The following SEC24B variants were observed in gnomAD, a reference collection of about 807,000 sequenced individuals.
SEC24B encodes the protein protein transport protein Sec24B.
A neutral mutation model predicts 142.8 loss-of-function variants in SEC24B; 45 were observed. The ratio of observed to expected loss-of-function variants is 0.32; its 90% CI spans 0.25 to 0.40. SEC24B has a LOEUF of 0.40. SEC24B is among the 10% of genes least tolerant of loss of function. The pLI, the probability that SEC24B is intolerant of heterozygous loss-of-function variation, is 1.00. For missense variants in SEC24B, 1,409 were observed against 1,526.8 expected (o/e 0.92, Z 1.29); for synonymous variants, 574 against 568.2 (o/e 1.01, Z -0.15).
At chr4:109,450,227 A>G (rs570150931) in intron 1 of SEC24B, among the ~76,000 whole-genome samples, 86 of 152,182 alleles carry the variant, frequency 5.7e-4, no homozygotes, top group African/African-American at 2.0e-3. Flanking sequence ...AAATGTAGGG[A>G]AAAAAGGGAA....
At chr4:109,518,851 A>G (rs190135946) in intron 11 of SEC24B, among the ~76,000 whole-genome samples, 1 of 147,196 alleles carries the variant, frequency 6.8e-6, no homozygotes, top group Admixed American at 6.8e-5. Flanking sequence ...CTGTTCCCCA[A>G]GCTGGAGTAC....
At chr4:109,434,135 C>A in intron 1 of SEC24B, 133 bp downstream of exon 1, 2 of 580,882 alleles carry the variant, frequency 3.4e-6, no homozygotes, top group Non-Finnish European at 4.3e-6. Flanking sequence ...CGGGAGCGGG[C>A]GCGGTGCGGA....
intron 22 of SEC24B, among the ~76,000 whole-genome samples, chr4:109,534,555 C>T (rs907942760): frequency 1.3e-5 from 2 of 151,846 alleles, no homozygotes. Flanking sequence ...CCACTGCACT[C>T]CAGCCTGGGT....
Position 109,463,037 on chromosome 4 carries a change from C to G in SEC24B, c.270C>G (p.Tyr90Ter). The G allele has an allele frequency of 6.2e-7, 1 of 1,614,160 alleles. No homozygotes were observed. The highest frequency in any genetic ancestry group is 8.5e-7 in the Non-Finnish European group (1 of 1,180,022). The change falls in exon 2 of 24, where the codon TAC becomes TAG. Residue 90 changes from tyrosine to a stop codon, truncating the protein, a stop_gained. Transcript: ENST00000265175. LOFTEE classifies it high-confidence loss of function. ...CATTGGATACCCAGTGTGGTGATTA[C>G]TACTCTGCTCTCTATACAGTACCAA... ...SLPLDTQCGD[Y>*]YSALYTVPTQ...
At chr4:109,471,665 C>A (rs949390984) in intron 2 of SEC24B, among the ~76,000 whole-genome samples, 1 of 151,912 alleles carries the variant, frequency 6.6e-6, no homozygotes, top group Middle Eastern at 3.2e-3. Context: ...TGGAGGTTTG[C>A]GGGACTAGAA....
chr4:109,433,914 G>A lies in SEC24B; in HGVS notation c.45G>A (p.Arg15=). 7.5e-6 allele frequency: 10 copies of A among 1,330,720 alleles called. No homozygotes were observed. The highest frequency in any genetic ancestry group is 8.7e-6 in the Non-Finnish European group (9 of 1,038,416). 82.4% of individuals were successfully genotyped at this position (1,330,720 alleles called of 1,614,324 possible). The change falls in exon 1 of 24, where the codon CGG becomes CGA. Residue 15 remains arginine, a synonymous_variant. Transcript: ENST00000265175. The stretch of plus-strand genomic sequence containing the variant: ...CCTCTCACCCGGCCGCCAGCGCCCG[G>A]ATCCCGCCCAAGTTCGGCGGAGCGG... ...AGSSHPAASA[R]IPPKFGGAAV... is the part of the protein sequence containing the mutation.
chr4:109,513,380 T>C (rs891256291), intron 9 of SEC24B, among the ~76,000 whole-genome samples: 1 of 151,268 alleles, frequency 6.6e-6, no homozygotes, highest in African/African-American at 2.4e-5. Flanking sequence ...GCCTCCCAGG[T>C]TCAAGCAATT....
chr4:109,434,039 C>T (rs1418126125), intron 1 of SEC24B, 37 bp downstream of exon 1: 2 of 1,074,554 alleles, frequency 1.9e-6, no homozygotes, highest in Non-Finnish European at 2.2e-6. Flanking sequence ...CGGGGCCTAG[C>T]ACCGGCTGGG....
At chr4:109,499,532 G>A (rs1023432675) in intron 6 of SEC24B, among the ~76,000 whole-genome samples, 8 of 152,022 alleles carry the variant, frequency 5.3e-5, no homozygotes, top group Non-Finnish European at 8.8e-5. Context: ...ATACATAAAC[G>A]CACATGCATA....
At chr4:109,537,883 T>G (rs1372322066) in intron 22 of SEC24B, among the ~76,000 whole-genome samples, 1 of 152,226 alleles carries the variant, frequency 6.6e-6, no homozygotes. Context: ...TTTGAATTAT[T>G]TAATTTACTG....
chr4:109,533,117 A>G (rs1286321744), intron 21 of SEC24B, among the ~76,000 whole-genome samples: 1 of 152,222 alleles, frequency 6.6e-6, no homozygotes, highest in Non-Finnish European at 1.5e-5. Flanking sequence ...TTCAACTTAC[A>G]TCCATTGTCA....
At chr4:109,482,756 A>T (rs1218198079) in intron 4 of SEC24B, among the ~76,000 whole-genome samples, 1 of 149,792 alleles carries the variant, frequency 6.7e-6, no homozygotes, top group Admixed American at 6.7e-5. Context: ...CTCCTGTCTC[A>T]ACTCCCACAT....
chr4:109,441,738 T>C (rs1411417592), intron 1 of SEC24B, among the ~76,000 whole-genome samples: 1 of 152,218 alleles, frequency 6.6e-6, no homozygotes, highest in Admixed American at 6.5e-5. Context: ...CCCTCACTCA[T>C]AGCACTCATT....
At chr4:109,535,998 G>A (rs1449256188) in intron 22 of SEC24B, among the ~76,000 whole-genome samples, 1 of 152,132 alleles carries the variant, frequency 6.6e-6, no homozygotes, top group Non-Finnish European at 1.5e-5. Context: ...CTAGCTTATT[G>A]TTAGGTAATG....
chr4:109,466,209 C>T (rs111429287), intron 2 of SEC24B, among the ~76,000 whole-genome samples: 80 of 152,124 alleles, frequency 5.3e-4, no homozygotes, highest in African/African-American at 1.7e-3. Flanking sequence ...TTTTTCTTAA[C>T]GATTTAAAAT....
At chr4:109,523,596 A>G (rs1290138246) in intron 14 of SEC24B, among the ~76,000 whole-genome samples, 1 of 152,246 alleles carries the variant, frequency 6.6e-6, no homozygotes, top group East Asian at 1.9e-4. Flanking sequence ...TAAATGAACA[A>G]AAATATTCAT....
At chr4:109,496,149 AC>A (rs1292872554) in intron 6 of SEC24B, among the ~76,000 whole-genome samples, 1 of 151,398 alleles carries the variant, frequency 6.6e-6, no homozygotes, top group Non-Finnish European at 1.5e-5. Flanking sequence ...ATCTCACTCT[AC>A]TGCCTAGGCT....
chr4:109,435,248 A>G (rs1048759172), intron 1 of SEC24B, among the ~76,000 whole-genome samples: 1 of 152,250 alleles, frequency 6.6e-6, no homozygotes, highest in South Asian at 2.1e-4. Flanking sequence ...AGCCTTACCT[A>G]TCAGTATTAC....
chr4:109,472,446 C>G (rs921662954), intron 2 of SEC24B, among the ~76,000 whole-genome samples: 2 of 152,152 alleles, frequency 1.3e-5, no homozygotes, highest in African/African-American at 4.8e-5. Context: ...TATGGTTAGG[C>G]TCTTACTTAG....
Sources: gnomAD v4.1 joint callset for allele counts (sites outside exome capture counted in the v4.1 genomes callset) on GRCh38, gnomAD v4.1.1 for gene constraint, MANE v1.5 for transcripts, NCBI Gene and HGNC (gene_info 2026-07-23, HGNC 2026-07-21) for gene names.